Variants in MAML2 observed in about 807,000 individuals in gnomAD.
MAML2 encodes the protein mastermind-like protein 2.
Under a neutral mutation model 96.1 loss-of-function variants are expected in MAML2, and 22 were observed. The ratio of observed to expected loss-of-function variants is 0.23; its 90% CI spans 0.16 to 0.33. The LOEUF (loss-of-function observed/expected upper bound fraction) is 0.33. Among genes scored for constraint, MAML2 ranks in the 10% least tolerant of loss-of-function variants. MAML2 has a pLI of 1.00. For synonymous variants in MAML2, 561 were observed against 521.3 expected (o/e 1.08, Z -1.04); for missense variants, 1,367 against 1,392.4 (o/e 0.98, Z 0.29).
intron 1 of MAML2, among the ~76,000 whole-genome samples, chr11:96,190,826 ATT>A (rs1362829670): frequency 6.6e-6 from 1 of 152,152 alleles, no homozygotes; most frequent in Non-Finnish European, 1.5e-5. Context: ...AAGTTATCAA[ATT>A]TTTACTGAGG....
chr11:96,276,313 A>G (rs1420679769), intron 1 of MAML2, among the ~76,000 whole-genome samples: 1 of 152,130 alleles, frequency 6.6e-6, no homozygotes, highest in Non-Finnish European at 1.5e-5. Flanking sequence ...ATAACTCTGA[A>G]CTGTGCTGTT....
At chr11:96,320,836 T>C (rs574018113) in intron 1 of MAML2, among the ~76,000 whole-genome samples, 10 of 152,266 alleles carry the variant, frequency 6.6e-5, no homozygotes, top group South Asian at 2.1e-4. Flanking sequence ...GCAGGAAGTA[T>C]GGCAATAAGA....
At chr11:96,073,206 C>T (rs981021046) in intron 2 of MAML2, among the ~76,000 whole-genome samples, 2 of 152,070 alleles carry the variant, frequency 1.3e-5, no homozygotes, top group African/African-American at 4.8e-5. Flanking sequence ...GCAAAATCAC[C>T]AATTTAGCCT....
At chr11:96,164,200 G>T (rs1170923524) in intron 1 of MAML2, among the ~76,000 whole-genome samples, 2 of 152,036 alleles carry the variant, frequency 1.3e-5, no homozygotes, top group African/African-American at 4.8e-5. Context: ...ACAAATCCAA[G>T]CTGCAGGAAA....
rs554615104 is a variant in MAML2, at chr11:96,162,761, C to T, written c.514-69244G>A. Among the ~76,000 whole-genome samples the T allele has an allele frequency of 5.3e-5, 8 of 151,846 alleles. No homozygotes were observed. The South Asian group carries it at 1.7e-3, about 32-fold the overall frequency. On this transcript the variant is annotated intron_variant, in intron 1 of 4. Coordinates refer to ENST00000524717, the MANE Select transcript of MAML2 (RefSeq NM_032427.4). ...GTTAATAAAAAGATAAAGTCCCTGT[C>T]CTCATGGAACTTACAGTTGAGCTTA...
At chr11:96,166,177 T>TCTCTCTCTCACACACACA (rs530578845) in intron 1 of MAML2, among the ~76,000 whole-genome samples, 3 of 110,384 alleles carry the variant, frequency 2.7e-5, no homozygotes, top group African/African-American at 1.0e-4. Context: ...TCTCTCTCTC[T>TCTCTCTCTCACACACACA]CACACACACA....
intron 1 of MAML2, among the ~76,000 whole-genome samples, chr11:96,301,613 C>T (rs1863388571): frequency 6.6e-6 from 1 of 152,232 alleles, no homozygotes; most frequent in African/African-American, 2.4e-5. Flanking sequence ...TCTCAGGGCT[C>T]TTCACTAGAG....
chr11:96,195,144 C>T (rs921003841), intron 1 of MAML2, among the ~76,000 whole-genome samples: 4 of 152,146 alleles, frequency 2.6e-5, no homozygotes, highest in African/African-American at 9.7e-5. Flanking sequence ...ATTGACTTGA[C>T]CTCTGATAGA....
chr11:96,076,454 AC>A (rs1488307767), intron 2 of MAML2, among the ~76,000 whole-genome samples: 4 of 151,808 alleles, frequency 2.6e-5, no homozygotes, highest in African/African-American at 9.7e-5. Flanking sequence ...ACACACACAC[AC>A]ACACACACAC....
rs1185699122 is a variant in MAML2, at chr11:96,090,082, G to A, written c.2139+1810C>T. ...AAGTAAGGGAGGCAGAAGTCATGCCGGTTATAAATGCTAACTCATTGCTAT... is the reference window on the plus strand; with the variant it reads ...AAGTAAGGGAGGCAGAAGTCATGCCAGTTATAAATGCTAACTCATTGCTAT... On this transcript the variant is annotated intron_variant, in intron 2 of 4. Coordinates refer to ENST00000524717, the MANE Select transcript of MAML2 (RefSeq NM_032427.4). 4.6e-5 allele frequency among the ~76,000 whole-genome samples: 7 copies of A among 151,420 alleles called. No homozygotes were observed. In the East Asian group the frequency reaches 5.8e-4, roughly 13 times the overall value.
At chr11:96,013,671 C>T (rs1219529597) in intron 2 of MAML2, among the ~76,000 whole-genome samples, 1 of 152,204 alleles carries the variant, frequency 6.6e-6, no homozygotes, top group African/African-American at 2.4e-5. Context: ...CAGAGGAGCA[C>T]ACGCACAAGC....
intron 1 of MAML2, among the ~76,000 whole-genome samples, chr11:96,189,081 CTA>C (rs1861615236): frequency 7.1e-6 from 1 of 140,730 alleles, no homozygotes; most frequent in South Asian, 2.2e-4. Context: ...TTTTTTTTTT[CTA>C]TATCTGGTTC....
rs1859734219 is a variant in MAML2 at position 96,092,315 on chromosome 11, A to G, written c.1716T>C (p.Pro572=). Residue 572 remains proline, a synonymous_variant, in exon 2 of 5, where the codon CCT becomes CCC. Transcript: ENST00000524717. The surrounding 1 kb of genome is among the most constrained non-coding windows in gnomAD (Gnocchi z 4.1). ...GCTTGTTCTGGGAAGGCAAAACAGA[A>G]GGCATCTGCTGGTTCGCTTGATCTG... The part of the protein sequence containing the change: ...FNSDQANQQM[P]SVLPSQNKPS... 2 of 1,589,666 alleles carry G rather than the reference A, an allele frequency of 1.3e-6. No individual in the cohort carries two copies. The highest frequency in any genetic ancestry group is 1.7e-6 in the Non-Finnish European group (2 of 1,167,538).
intron 1 of MAML2, among the ~76,000 whole-genome samples, chr11:96,169,717 T>C (rs1014148286): frequency 4.7e-5 from 7 of 150,030 alleles, no homozygotes; most frequent in East Asian, 1.9e-4. Context: ...TGCAGTGGCG[T>C]GATCTCAGCT....
chr11:96,039,198 G>A lies in MAML2; in HGVS notation c.2140-47475C>T, dbSNP rs559932067. ...TGAGCCTAGGAGGTTGAGGTTTCAG[G>A]GAGCCATGATTGCACCACTGAACTC... On this transcript the variant is annotated intron_variant, in intron 2 of 4. Transcript: ENST00000524717. Among the ~76,000 whole-genome samples the A allele has an allele frequency of 4.6e-5, 7 of 152,030 alleles. No homozygotes were observed. In the South Asian group the frequency reaches 8.3e-4, roughly 18 times the overall value.
intron 1 of MAML2, among the ~76,000 whole-genome samples, chr11:96,276,316 G>C (rs1862986887): frequency 6.6e-6 from 1 of 152,160 alleles, no homozygotes. Context: ...ACTCTGAACT[G>C]TGCTGTTACA....
At chr11:96,133,115 C>T (rs76736476) in intron 1 of MAML2, among the ~76,000 whole-genome samples, 14,168 of 152,198 alleles carry the variant, frequency 0.093, 889 homozygotes, top group Non-Finnish European at 0.14. Flanking sequence ...AAACATCGCC[C>T]TCAAGTAGGC....
At chr11:96,253,042 C>G (rs188860559) in intron 1 of MAML2, among the ~76,000 whole-genome samples, 8 of 152,226 alleles carry the variant, frequency 5.3e-5, no homozygotes, top group Non-Finnish European at 2.9e-5. Context: ...AAGTGGCATG[C>G]CTTAAAATTC....
intron 2 of MAML2, among the ~76,000 whole-genome samples, chr11:96,037,361 G>A (rs1027390340): frequency 2.6e-5 from 4 of 152,092 alleles, no homozygotes; most frequent in Admixed American, 2.0e-4. Flanking sequence ...AAAAGTCCAG[G>A]TGTTCTCTCT....
Sources: allele counts gnomAD v4.1 joint callset (sites outside exome capture counted in the v4.1 genomes callset), GRCh38; gene constraint gnomAD v4.1.1; non-coding constraint Gnocchi (gnomAD v3.1); transcripts MANE v1.5; gene names NCBI Gene and HGNC (gene_info 2026-07-23, HGNC 2026-07-21).